MTCH2: variants seen among roughly 807,000 people sequenced by gnomAD.
MTCH2 encodes the protein mitochondrial carrier homolog 2.
MTCH2 carries 25 observed loss-of-function variants against 50.6 expected under a neutral mutation model. That is an observed-to-expected ratio of 0.49 (90% CI 0.36 to 0.69). The LOEUF (loss-of-function observed/expected upper bound fraction) is 0.69. Among genes scored for constraint, MTCH2 ranks in the 30% least tolerant of loss-of-function variants. The probability of loss-of-function intolerance (pLI) is 0.00; values close to 1 mark genes in which losing one functional copy is unlikely to be tolerated. For synonymous variants in MTCH2, 106 were observed against 132.0 expected (o/e 0.80, Z 1.35); for missense variants, 273 against 384.4 (o/e 0.71, Z 2.42).
chr11:47,639,200 A>T lies in MTCH2; in HGVS notation c.88-149T>A. ...TTTTCCAAGGCAATGATGAAGCATC[A>T]TTCTTGTAGGTTTTTCTTCTGTTGG... is the stretch of plus-strand genomic sequence containing the variant. On this transcript the variant is annotated intron_variant, in intron 1 of 12. Transcript: ENST00000302503. The T allele has an allele frequency of 1.2e-5, 8 of 679,442 alleles. No homozygotes were observed. The South Asian group carries it at 1.6e-4, about 14-fold the overall frequency. 42.1% of individuals were successfully genotyped at this position (679,442 alleles called of 1,614,324 possible). A position where few individuals can be genotyped will look rare whatever the true frequency, so the allele number is the denominator to read the frequency against.
At position 47,618,915 on chromosome 11, in the gene MTCH2, T is replaced by C; in HGVS notation, c.830A>G (p.Asn277Ser). 1 of 1,404,274 alleles carries C rather than the reference T, an allele frequency of 7.1e-7. No individual in the cohort carries two copies. The highest frequency in any genetic ancestry group is 9.3e-7 in the Non-Finnish European group (1 of 1,071,052). The allele number at this position is 1,404,274 out of a possible 1,614,324, so 87.0% of individuals were successfully genotyped here. A position where few individuals can be genotyped will look rare whatever the true frequency, so the allele number is the denominator to read the frequency against. ...DCWCMLQKEG[N>S]MSRGNSLFFR... ...AAATAAGCTATTTCCTCGGCTCATA[T>C]TCCCCTGGAAAACAAAACAAAACAA... The change falls in exon 13 of 13, where the codon AAT (asparagine) becomes AGT (serine). Residue 277 changes from asparagine (N) to serine (S), a missense_variant. By Grantham distance (46) the Asn-to-Ser change is conservative. This residue lies in a region of MTCH2 where 70 missense variants were observed against 140.1 expected (regional missense o/e 0.50). Transcript: ENST00000302503.
At chr11:47,629,573 T>A (rs1291494346) in intron 8 of MTCH2, among the ~76,000 whole-genome samples, 1 of 152,072 alleles carries the variant, frequency 6.6e-6, no homozygotes, top group Non-Finnish European at 1.5e-5. Context: ...CCCCACGGAT[T>A]GAAGACCAGC....
chr11:47,634,639 G>C, intron 5 of MTCH2, 33 bp downstream of exon 5: 1 of 1,545,718 alleles, frequency 6.5e-7, no homozygotes, highest in Admixed American at 1.7e-5. Flanking sequence ...GTTTGATCTG[G>C]GCAAACAGCA....
At chr11:47,634,803 C>T (rs1379067707) in intron 4 of MTCH2, 69 bp from the exon 5 acceptor site, 25 of 1,061,340 alleles carry the variant, frequency 2.4e-5, no homozygotes, top group Admixed American at 1.3e-4. Context: ...GACAGAGTCT[C>T]GCTCTGTCGC....
At chr11:47,634,770 T>TTC in intron 4 of MTCH2, 36 bp from the exon 5 acceptor site, 1 of 340,836 alleles carries the variant, frequency 2.9e-6, no homozygotes, top group Non-Finnish European at 4.1e-6. Flanking sequence ...GAGATCTTGA[T>TTC]TTTTTTTTTT....
chr11:47,638,622 G>T, intron 3 of MTCH2, 77 bp downstream of exon 3: 2 of 885,102 alleles, frequency 2.3e-6, no homozygotes, highest in African/African-American at 2.3e-5. Flanking sequence ...CTTTTAAATT[G>T]CTCTTGATAT....
At chr11:47,609,626 C>CAAAAAAAAA in the MTCH2 span, among the ~76,000 whole-genome samples, 12 of 88,162 alleles carry the variant, frequency 1.4e-4, no homozygotes, top group African/African-American at 3.2e-4. Flanking sequence ...GACTCTGTCT[C>CAAAAAAAAA]AAAAAAAAAA....
intron 12 of MTCH2, among the ~76,000 whole-genome samples, chr11:47,621,313 G>A (rs572687857): frequency 4.7e-4 from 72 of 152,040 alleles, no homozygotes; most frequent in Non-Finnish European, 6.8e-4. Context: ...TTCTTTATAC[G>A]CTTTCTTCTA....
intron 11 of MTCH2, 140 bp downstream of exon 11, chr11:47,625,534 C>T (rs1261082176): frequency 1.6e-5 from 10 of 634,032 alleles, no homozygotes; most frequent in Non-Finnish European, 2.2e-5. Flanking sequence ...ATCAATTATA[C>T]TTTTCCTCCC....
intron 3 of MTCH2, among the ~76,000 whole-genome samples, chr11:47,637,925 T>C (rs946735331): frequency 6.6e-6 from 1 of 152,216 alleles, no homozygotes; most frequent in African/African-American, 2.4e-5. Context: ...ATCTAACCTG[T>C]CTTCTACATT....
the MTCH2 span, among the ~76,000 whole-genome samples, chr11:47,608,764 C>T: frequency 6.6e-6 from 1 of 151,858 alleles, no homozygotes; most frequent in Non-Finnish European, 1.5e-5. Flanking sequence ...CAAGACCATC[C>T]TGGCTAACAT....
chr11:47,628,463 G>A (rs1368714868), intron 9 of MTCH2, among the ~76,000 whole-genome samples: 1 of 152,126 alleles, frequency 6.6e-6, no homozygotes, highest in African/African-American at 2.4e-5. Context: ...AAACAGTATC[G>A]TTCTACAGTG....
At chr11:47,630,760 A>T in intron 7 of MTCH2, 146 bp from the exon 8 acceptor site, 1 of 797,014 alleles carries the variant, frequency 1.3e-6, no homozygotes, top group Admixed American at 2.6e-5. Flanking sequence ...CTGCAAAGAT[A>T]GCTAAATTTG....
chr11:47,642,531 G>C lies in MTCH2; in HGVS notation c.-66C>G, dbSNP rs990505379. On this transcript the variant is annotated 5_prime_UTR_variant, in exon 1 of 13. Coordinates refer to ENST00000302503, the MANE Select transcript of MTCH2 (RefSeq NM_014342.4). Reference sequence around the variant, plus strand: ...CAAGCGACCCGGTGAGCCGGTCCTAGGTCACGTGCCAGGGCCGCCGGTTTC... The same window carrying C: ...CAAGCGACCCGGTGAGCCGGTCCTACGTCACGTGCCAGGGCCGCCGGTTTC... The C allele has an allele frequency of 2.7e-6, 4 of 1,456,092 alleles. No homozygotes were observed. Among genetic ancestry groups the C allele is most frequent in the Non-Finnish European group, 9.2e-7 (1 of 1,081,602 alleles). The allele number at this position is 1,456,092 out of a possible 1,614,324, so 90.2% of individuals were successfully genotyped here.
At chr11:47,639,816 CCGA>C (rs1304960705) in intron 1 of MTCH2, among the ~76,000 whole-genome samples, 1 of 151,612 alleles carries the variant, frequency 6.6e-6, no homozygotes, top group East Asian at 2.0e-4. Flanking sequence ...CCAGCCGAGG[CCGA>C]CAACAGCGAG....
At chr11:47,608,548 G>A in the MTCH2 span, among the ~76,000 whole-genome samples, 1 of 152,140 alleles carries the variant, frequency 6.6e-6, no homozygotes, top group Non-Finnish European at 1.5e-5. Context: ...CAAGGCTTCC[G>A]TGGAAGACAA....
rs751112048 is a variant in MTCH2 at position 47,638,982 on chromosome 11, C to A, written c.157G>T (p.Gly53Cys). ...IFGRQVCQLP[G>C]LFSYAQHIAS... ...AGGCACTTACCATAACTAAAGAGAC[C>A]AGGAAGCTGACACACTTGCCGCCCA... Residue 53 changes from glycine (G) to cysteine (C), a missense_variant, in exon 2 of 13, where the codon GGT (glycine) becomes TGT (cysteine). Physicochemically the swap from Gly to Cys is radical, Grantham distance 159. Coordinates refer to ENST00000302503, the MANE Select transcript of MTCH2 (RefSeq NM_014342.4). 20 of 1,613,338 alleles carry A rather than the reference C, an allele frequency of 1.2e-5. No homozygotes were observed. In the Admixed American group the frequency reaches 1.7e-4, roughly 13 times the overall value.
chr11:47,604,590 C>G, the MTCH2 span, among the ~76,000 whole-genome samples: 6 of 152,108 alleles, frequency 3.9e-5, no homozygotes, highest in Non-Finnish European at 8.8e-5. Flanking sequence ...ATAGCAATGA[C>G]GTGTTATTTA....
chr11:47,628,881 C>T, intron 9 of MTCH2, 72 bp downstream of exon 9: 2 of 1,411,180 alleles, frequency 1.4e-6, no homozygotes, highest in Non-Finnish European at 2.0e-6. Flanking sequence ...CCCGGCCCAT[C>T]TTACTTTAAA....
Sources: allele counts gnomAD v4.1 joint callset (sites outside exome capture counted in the v4.1 genomes callset), GRCh38; gene constraint gnomAD v4.1.1; regional missense constraint gnomAD v4.1.1; transcripts MANE v1.5; gene names NCBI Gene and HGNC (gene_info 2026-07-23, HGNC 2026-07-21).